Variants in BCKDHB observed in about 807,000 individuals in gnomAD.
The protein encoded by BCKDHB is branched chain keto acid dehydrogenase E1 subunit beta.
A neutral mutation model predicts 48.5 loss-of-function variants in BCKDHB; 41 were observed. The observed-to-expected ratio is 0.85, with a 90% confidence interval of 0.66 to 1.10. The LOEUF (loss-of-function observed/expected upper bound fraction) is 1.10, where lower values mean the gene tolerates loss of function less well. Ranked by LOEUF, BCKDHB falls within the 50% of genes least tolerant of loss-of-function variation. BCKDHB has a pLI of 0.00. For synonymous variants in BCKDHB, 201 were observed against 174.8 expected (o/e 1.15, Z -1.18); for missense variants, 496 against 494.2 (o/e 1.00, Z -0.03).
intron 1 of BCKDHB, among the ~76,000 whole-genome samples, chr6:80,116,854 A>C (rs1050868902): frequency 6.6e-6 from 1 of 152,246 alleles, no homozygotes; most frequent in Admixed American, 6.5e-5. Flanking sequence ...TGATGTATAT[A>C]GATTATTTTT....
chr6:80,214,651 A>T (rs1468517975), intron 8 of BCKDHB, among the ~76,000 whole-genome samples: 1 of 152,228 alleles, frequency 6.6e-6, no homozygotes, highest in East Asian at 1.9e-4. Context: ...GGTTAATACC[A>T]CTAGGTTTCC....
chr6:80,148,801 C>A (rs1281573944), intron 3 of BCKDHB, among the ~76,000 whole-genome samples: 1 of 152,046 alleles, frequency 6.6e-6, no homozygotes, highest in Non-Finnish European at 1.5e-5. Context: ...TTCCTTACAC[C>A]TTATACAAAA....
At position 80,130,320 on chromosome 6, in the gene BCKDHB, A is replaced by G. The variant is rs143636183; in HGVS notation, c.343+1091A>G. On this transcript the variant is annotated intron_variant, in intron 3 of 9. Coordinates refer to ENST00000320393, the MANE Select transcript of BCKDHB (RefSeq NM_183050.4). The stretch of plus-strand genomic sequence containing the variant: ...TGGCATTGCTCTATATTGCTTGTGT[A>G]TTCATACGGGGCAAGAGGAGTGAGG... 1.8e-3 allele frequency among the ~76,000 whole-genome samples: 273 copies of G among 152,226 alleles called. 1 individual carries two copies. The highest frequency in any genetic ancestry group is 6.1e-3 in the African/African-American group (252 of 41,552).
chr6:80,154,270 T>C (rs1200654346), intron 3 of BCKDHB, among the ~76,000 whole-genome samples: 1 of 152,206 alleles, frequency 6.6e-6, no homozygotes, highest in Non-Finnish European at 1.5e-5. Flanking sequence ...AGCAACTAAC[T>C]ACAGTGCTTT....
chr6:80,147,460 C>A (rs1292889765), intron 3 of BCKDHB, among the ~76,000 whole-genome samples: 3 of 152,040 alleles, frequency 2.0e-5, no homozygotes, highest in Non-Finnish European at 2.9e-5. Flanking sequence ...AATAATTTAA[C>A]CTTTGATGTC....
chr6:80,208,990 G>C (rs1487314423), intron 8 of BCKDHB, among the ~76,000 whole-genome samples: 1 of 151,724 alleles, frequency 6.6e-6, no homozygotes, highest in Non-Finnish European at 1.5e-5. Flanking sequence ...AATAAATGTA[G>C]AGCACATAAT....
chr6:80,428,105 G>A, the BCKDHB span, among the ~76,000 whole-genome samples: 1 of 151,134 alleles, frequency 6.6e-6, no homozygotes, highest in Non-Finnish European at 1.5e-5. Flanking sequence ...TCCCACTTAT[G>A]AGTGAGAACA....
At chr6:80,234,803 A>G (rs613577) in intron 8 of BCKDHB, among the ~76,000 whole-genome samples, 132,360 of 152,128 alleles carry the variant, frequency 0.87, 57,849 homozygotes, top group East Asian at 0.99. Flanking sequence ...TCATCAGTGG[A>G]TGAATGAATG....
intron 9 of BCKDHB, among the ~76,000 whole-genome samples, chr6:80,287,902 C>CTG (rs1415527818): frequency 4.6e-5 from 7 of 152,150 alleles, no homozygotes; most frequent in South Asian, 4.1e-4. Context: ...CTGGTTAACT[C>CTG]CTTTCAATGT....
intron 8 of BCKDHB, among the ~76,000 whole-genome samples, chr6:80,268,510 T>G (rs1034282835): frequency 5.3e-5 from 8 of 152,012 alleles, no homozygotes; most frequent in Non-Finnish European, 8.8e-5. Context: ...AAAATATTGC[T>G]TTTTTTTAAC....
At chr6:80,339,162 C>T (rs2128016292) in intron 9 of BCKDHB, among the ~76,000 whole-genome samples, 1 of 152,206 alleles carries the variant, frequency 6.6e-6, no homozygotes, top group South Asian at 2.1e-4. Context: ...TGAGAGATCC[C>T]AAGGAAACCT....
chr6:80,201,324 G>C (rs1001870797), intron 7 of BCKDHB, among the ~76,000 whole-genome samples: 4 of 152,074 alleles, frequency 2.6e-5, no homozygotes, highest in African/African-American at 9.7e-5. Context: ...ACTATTTTGT[G>C]TGTGGGGGTG....
At chr6:80,370,808 G>GTA in the BCKDHB span, among the ~76,000 whole-genome samples, 9 of 139,758 alleles carry the variant, frequency 6.4e-5, no homozygotes, top group African/African-American at 2.0e-4. Flanking sequence ...GTGTGTGTGT[G>GTA]TATATATATA....
rs186415066 is a variant in BCKDHB at position 80,185,566 on chromosome 6, C to T, written c.742+14176C>T. ...TTTGGTAGTGTTTCAGTGGAAAGAA[C>T]TGGAACTCAAGGGCTGCTGTTCAGA... On this transcript the variant is annotated intron_variant, in intron 6 of 9. Coordinates refer to ENST00000320393, the MANE Select transcript of BCKDHB (RefSeq NM_183050.4). Among the ~76,000 whole-genome samples, 282 of 152,254 alleles carry T rather than the reference C, an allele frequency of 1.9e-3. 2 individuals are homozygous for T. Among genetic ancestry groups the T allele is most frequent in the Non-Finnish European group, 3.4e-3 (228 of 68,028 alleles).
intron 8 of BCKDHB, among the ~76,000 whole-genome samples, chr6:80,219,569 A>G (rs1367575803): frequency 6.6e-6 from 1 of 152,104 alleles, no homozygotes; most frequent in African/African-American, 2.4e-5. Context: ...CTGCTGCACA[A>G]CAATCACCAG....
At chr6:80,456,699 G>T in the BCKDHB span, among the ~76,000 whole-genome samples, 2 of 152,076 alleles carry the variant, frequency 1.3e-5, no homozygotes, top group African/African-American at 2.4e-5. Flanking sequence ...CATCACTTTG[G>T]GTACTTGTTG....
At chr6:80,443,659 A>G in the BCKDHB span, 2 of 152,038 alleles carry the variant, frequency 1.3e-5, no homozygotes, top group African/African-American at 4.8e-5. Context: ...TTCACCACAA[A>G]TTTCATTTAT....
intron 6 of BCKDHB, among the ~76,000 whole-genome samples, chr6:80,187,291 A>T (rs1304745938): frequency 6.6e-6 from 1 of 152,218 alleles, no homozygotes; most frequent in East Asian, 1.9e-4. Flanking sequence ...AATGCTTAAT[A>T]CATTTTAATG....
At chr6:80,289,370 A>G (rs1766795476) in intron 9 of BCKDHB, among the ~76,000 whole-genome samples, 1 of 152,168 alleles carries the variant, frequency 6.6e-6, no homozygotes, top group Non-Finnish European at 1.5e-5. Context: ...GTGATTATCA[A>G]ACTGCACTGA....
Sources: allele counts gnomAD v4.1 joint callset (sites outside exome capture counted in the v4.1 genomes callset), GRCh38; gene constraint gnomAD v4.1.1; transcripts MANE v1.5; gene names NCBI Gene and HGNC (gene_info 2026-07-23, HGNC 2026-07-21).